The following ADAMTSL1 variants were observed in gnomAD, a reference collection of about 807,000 sequenced individuals.
The protein encoded by ADAMTSL1 is ADAMTS like 1, also known as ADAMTS-like protein 1.
ADAMTSL1 carries 126 observed loss-of-function variants against 201.8 expected under a neutral mutation model. The ratio of observed to expected loss-of-function variants is 0.62; its 90% CI spans 0.54 to 0.72. The LOEUF is 0.72. Among genes scored for constraint, ADAMTSL1 ranks in the 30% least tolerant of loss-of-function variants. The pLI, the probability that ADAMTSL1 is intolerant of heterozygous loss-of-function variation, is 0.00. For synonymous variants in ADAMTSL1, 1,121 were observed against 903.4 expected, an observed-to-expected ratio of 1.24 and a Z score of -4.32; for missense variants, 2,679 against 2,277.8, an observed-to-expected ratio of 1.18 and a Z score of -3.59.
chr9:18,035,142 A>G (rs1234392537), intron 1 of ADAMTSL1, among the ~76,000 whole-genome samples: 1 of 152,246 alleles, frequency 6.6e-6, no homozygotes, highest in African/African-American at 2.4e-5. Context: ...TGCTTAAGTT[A>G]GTATGTTACT....
chr9:18,809,339 T>A (rs1457012447), intron 20 of ADAMTSL1, among the ~76,000 whole-genome samples: 1 of 152,182 alleles, frequency 6.6e-6, no homozygotes, highest in Non-Finnish European at 1.5e-5. Context: ...AGGTGGAAGA[T>A]GTCAGGGACA....
At chr9:18,030,113 C>A (rs1820881444) in intron 1 of ADAMTSL1, among the ~76,000 whole-genome samples, 2 of 152,192 alleles carry the variant, frequency 1.3e-5, no homozygotes, top group South Asian at 2.1e-4. Context: ...TTTATTGCGG[C>A]ATTTTTCACA....
chr9:18,582,663 A>T (rs1207720234), intron 4 of ADAMTSL1, among the ~76,000 whole-genome samples: 1 of 152,056 alleles, frequency 6.6e-6, no homozygotes, highest in Non-Finnish European at 1.5e-5. Context: ...CCTGGCTAAC[A>T]TGGTGAAACC....
chr9:18,613,831 A>C (rs571437240), intron 4 of ADAMTSL1, among the ~76,000 whole-genome samples: 1 of 152,278 alleles, frequency 6.6e-6, no homozygotes, highest in Admixed American at 6.5e-5. Flanking sequence ...AGCCCACGAC[A>C]CGCATATACC....
rs73417024 is a variant in ADAMTSL1 at position 18,413,685 on chromosome 9, T to C, written c.208-91144T>C. Among the ~76,000 whole-genome samples the C allele has an allele frequency of 5.9e-3, 905 of 152,338 alleles. 8 individuals carry two copies. The highest frequency in any genetic ancestry group is 0.021 in the African/African-American group (853 of 41,574). The stretch of plus-strand genomic sequence containing the variant: ...GGAAGGAAAGATGGAAGAAAAAGTT[T>C]CAATTACACCAGAGCCCAACTCTTC... On this transcript the variant is annotated intron_variant, in intron 2 of 29. Coordinates refer to the ADAMTSL1 transcript ENST00000680146.
intron 21 of ADAMTSL1, among the ~76,000 whole-genome samples, chr9:18,821,951 A>T (rs1824236262): frequency 5.3e-5 from 8 of 152,196 alleles, no homozygotes; most frequent in Admixed American, 5.2e-4. Flanking sequence ...CATCAAAGGC[A>T]CTGGACCTTG....
chr9:18,864,164 A>G (rs548844432), intron 23 of ADAMTSL1, among the ~76,000 whole-genome samples: 9 of 152,212 alleles, frequency 5.9e-5, no homozygotes, highest in South Asian at 2.1e-4. Context: ...TTTAGATTGT[A>G]TATTCTTATT....
At chr9:18,824,356 C>T (rs1198002405) in intron 21 of ADAMTSL1, among the ~76,000 whole-genome samples, 2 of 152,214 alleles carry the variant, frequency 1.3e-5, no homozygotes, top group African/African-American at 2.4e-5. Flanking sequence ...AACCTGGCCC[C>T]TCTTACACAC....
intron 1 of ADAMTSL1, among the ~76,000 whole-genome samples, chr9:18,124,329 C>A (rs1825642689): frequency 6.6e-6 from 1 of 152,080 alleles, no homozygotes; most frequent in South Asian, 2.1e-4. Context: ...GATCTGCCCT[C>A]TTCAGCCTCC....
intron 1 of ADAMTSL1, among the ~76,000 whole-genome samples, chr9:17,935,601 T>C (rs143356736): frequency 1.4e-3 from 214 of 152,256 alleles, no homozygotes; most frequent in African/African-American, 4.6e-3. Context: ...CCAATGATCA[T>C]TGACAGGGAA....
At chr9:18,271,117 T>C (rs1388141751) in intron 2 of ADAMTSL1, among the ~76,000 whole-genome samples, 2 of 152,172 alleles carry the variant, frequency 1.3e-5, no homozygotes. Flanking sequence ...GTAACTAACA[T>C]TGCTCTAACA....
intron 2 of ADAMTSL1, among the ~76,000 whole-genome samples, chr9:18,184,671 C>T (rs117392878): frequency 7.9e-5 from 12 of 152,254 alleles, no homozygotes; most frequent in East Asian, 1.9e-4. Flanking sequence ...ATAACAAACT[C>T]GTCTCATGTA....
chr9:18,534,198 G>C (rs569191756), intron 3 of ADAMTSL1, among the ~76,000 whole-genome samples: 3 of 152,194 alleles, frequency 2.0e-5, no homozygotes, highest in African/African-American at 7.2e-5. Context: ...TTAATTTTTT[G>C]GTGATACAAG....
intron 2 of ADAMTSL1, among the ~76,000 whole-genome samples, chr9:18,285,022 T>G (rs1832942286): frequency 6.6e-6 from 1 of 152,184 alleles, no homozygotes; most frequent in African/African-American, 2.4e-5. Context: ...TATTTGTATC[T>G]TTGGACACAT....
chr9:18,497,669 T>G (rs1349963223), intron 1 of ADAMTSL1, among the ~76,000 whole-genome samples: 1 of 152,186 alleles, frequency 6.6e-6, no homozygotes, highest in Non-Finnish European at 1.5e-5. Flanking sequence ...TGCCTTCCCT[T>G]GAGATAAGCT....
chr9:18,542,222 C>T (rs35669972), intron 3 of ADAMTSL1, among the ~76,000 whole-genome samples: 38,087 of 151,832 alleles, frequency 0.25, 5,310 homozygotes, highest in East Asian at 0.62. Flanking sequence ...TGGGAGAAAA[C>T]ATTTTATACA....
chr9:18,432,363 A>G (rs1200452668), intron 2 of ADAMTSL1, among the ~76,000 whole-genome samples: 1 of 152,220 alleles, frequency 6.6e-6, no homozygotes, highest in African/African-American at 2.4e-5. Flanking sequence ...ATAGGTTTTC[A>G]CCATGTATGA....
intron 2 of ADAMTSL1, among the ~76,000 whole-genome samples, chr9:18,316,200 A>G (rs1043779732): frequency 6.6e-6 from 1 of 152,170 alleles, no homozygotes; most frequent in Non-Finnish European, 1.5e-5. Flanking sequence ...GAGGCAGGGC[A>G]AGATCACAGG....
At chr9:18,332,993 T>A (rs544723702) in intron 2 of ADAMTSL1, among the ~76,000 whole-genome samples, 1 of 152,198 alleles carries the variant, frequency 6.6e-6, no homozygotes, top group Non-Finnish European at 1.5e-5. Flanking sequence ...CCAACCATTG[T>A]TGGCACCTAG....
Sources: allele counts gnomAD v4.1 joint callset (sites outside exome capture counted in the v4.1 genomes callset), GRCh38; gene constraint gnomAD v4.1.1; transcripts MANE v1.5; gene names NCBI Gene and HGNC (gene_info 2026-07-23, HGNC 2026-07-21).